The following HDAC9 variants were observed in gnomAD, a reference collection of about 807,000 sequenced individuals.
The protein encoded by HDAC9 is histone deacetylase 9, also known as MEF-2 interacting transcription repressor (MITR) protein.
A neutral mutation model predicts 139.4 loss-of-function variants in HDAC9; 41 were observed. The ratio of observed to expected loss-of-function variants is 0.29; its 90% CI spans 0.23 to 0.38. HDAC9 has a LOEUF of 0.38. HDAC9 is among the 10% of genes least tolerant of loss of function. The probability of loss-of-function intolerance (pLI) is 1.00; values close to 1 mark genes in which losing one functional copy is unlikely to be tolerated. For missense variants in HDAC9, 1,147 were observed against 1,297.0 expected, an observed-to-expected ratio of 0.88 and a Z score of 1.78; for synonymous variants, 517 against 476.2, an observed-to-expected ratio of 1.09 and a Z score of -1.12.
chr7:18,908,379 T>C (rs781046500), intron 22 of HDAC9, among the ~76,000 whole-genome samples: 8 of 152,180 alleles, frequency 5.3e-5, no homozygotes, highest in Non-Finnish European at 7.4e-5. Flanking sequence ...GCGCTTATCA[T>C]TTCTTTGTGA....
chr7:18,839,642 T>C (rs1352063803), intron 21 of HDAC9, among the ~76,000 whole-genome samples: 1 of 152,112 alleles, frequency 6.6e-6, no homozygotes, highest in Non-Finnish European at 1.5e-5. Context: ...GGGAACTACC[T>C]TGGCTTCTTA....
rs573868916 is a variant in HDAC9 at position 18,669,327 on chromosome 7, C to T, written c.1731+2851C>T. Among the ~76,000 whole-genome samples the T allele has an allele frequency of 2.0e-5, 3 of 151,696 alleles. No homozygotes were observed. The East Asian group carries it at 5.8e-4, about 30-fold the overall frequency. On this transcript the variant is annotated intron_variant, in intron 12 of 25. Transcript: ENST00000686413. ...TCTATTACAGTGAGATCTTGAAATA[C>T]AAGTAGAAAGTGACAGCACATAAAT... is the stretch of plus-strand genomic sequence containing the variant.
At chr7:18,674,629 T>C (rs1401629903) in intron 12 of HDAC9, among the ~76,000 whole-genome samples, 1 of 152,050 alleles carries the variant, frequency 6.6e-6, no homozygotes, top group East Asian at 1.9e-4. Flanking sequence ...CTGAACTTTA[T>C]TTTAATGGTT....
chr7:18,691,708 C>A (rs1782686253), intron 12 of HDAC9, among the ~76,000 whole-genome samples: 1 of 152,034 alleles, frequency 6.6e-6, no homozygotes, highest in Non-Finnish European at 1.5e-5. Context: ...AAATGGCAGT[C>A]CTTTAGAATG....
chr7:19,000,397 C>T lies in HDAC9; in HGVS notation c.*4335C>T, dbSNP rs1786693412. The T allele has an allele frequency of 6.6e-6, 1 of 152,186 alleles. No homozygotes were observed. Among genetic ancestry groups the T allele is most frequent in the African/African-American group, 2.4e-5 (1 of 41,448 alleles). 9.4% of individuals were successfully genotyped at this position (152,186 alleles called of 1,614,324 possible). A position where few individuals can be genotyped will look rare whatever the true frequency, so the allele number is the denominator to read the frequency against. On this transcript the variant is annotated 3_prime_UTR_variant, in exon 26 of 26. Transcript: ENST00000686413. Reference sequence around the variant, plus strand: ...TTGCTTGCTTTTACTCCATGAAACGCTTCATGAAGCAGAGCATGATTGTCA... The same window carrying T: ...TTGCTTGCTTTTACTCCATGAAACGTTTCATGAAGCAGAGCATGATTGTCA...
At position 18,271,871 on chromosome 7, in the gene HDAC9, G is replaced by C. The variant is rs1177241067; in HGVS notation, c.25+109522G>C. The stretch of plus-strand genomic sequence containing the variant: ...CACAGTATCTCAGGCATCTAACAAA[G>C]TGCCCAGAACATTGATAGCATTTAG... On this transcript the variant is annotated intron_variant, in intron 2 of 12. Coordinates refer to the HDAC9 transcript ENST00000417496. 2.0e-5 allele frequency among the ~76,000 whole-genome samples: 3 copies of C among 152,168 alleles called. No homozygotes were observed. The East Asian group carries it at 5.8e-4, about 29-fold the overall frequency.
intron 2 of HDAC9, among the ~76,000 whole-genome samples, chr7:18,576,253 G>C (rs746793237): frequency 6.6e-6 from 1 of 152,170 alleles, no homozygotes; most frequent in East Asian, 1.9e-4. Context: ...GGAGAAACAG[G>C]CCAGCCATGT....
chr7:18,605,771 C>G lies in HDAC9; in HGVS notation c.664+11742C>G, dbSNP rs550905863. Among the ~76,000 whole-genome samples the G allele has an allele frequency of 5.9e-5, 9 of 152,176 alleles. No individual in the cohort carries two copies. In the South Asian group the frequency reaches 1.7e-3, roughly 28 times the overall value. On this transcript the variant is annotated intron_variant, in intron 6 of 25. Coordinates refer to ENST00000686413, the MANE Select transcript of HDAC9 (RefSeq NM_178425.4). Reference sequence around the variant, plus strand: ...TCTCGGCTCACTGCAAGCTCCGCCTCCCAGGTTCACGCTATTCTCCTGCCT... The same window carrying G: ...TCTCGGCTCACTGCAAGCTCCGCCTGCCAGGTTCACGCTATTCTCCTGCCT...
rs367580383 is a variant in HDAC9 at position 18,328,456 on chromosome 7, GA to G, written c.-42+37943del. Among the ~76,000 whole-genome samples the G allele has an allele frequency of 2.4e-4, 36 of 152,014 alleles. No individual in the cohort carries two copies. The East Asian group carries it at 5.8e-3, about 25-fold the overall frequency. ...ATGCAAATTTATTGGTTTACAATAA[GA>G]ATTCTTTGCACTAAGTAATTTAGAA... On this transcript the variant is annotated intron_variant, in intron 1 of 3. Coordinates refer to the HDAC9 transcript ENST00000413509.
Position 18,249,259 on chromosome 7 carries a change from T to A in HDAC9, c.25+86910T>A, listed in dbSNP as rs1794757534. Among the ~76,000 whole-genome samples, 4 of 152,088 alleles carry A rather than the reference T, an allele frequency of 2.6e-5. No individual in the cohort carries two copies. In the South Asian group the frequency reaches 8.3e-4, roughly 32 times the overall value. ...GGCTCACGCCTGTAATCCCAACACT[T>A]TGGGAGGCTGAGGTGGGCAGATTGC... On this transcript the variant is annotated intron_variant, in intron 2 of 12. Coordinates refer to the HDAC9 transcript ENST00000417496.
chr7:18,136,179 G>A lies in HDAC9; in HGVS notation c.-96-26050G>A, dbSNP rs1489295829. Among the ~76,000 whole-genome samples the A allele has an allele frequency of 4.0e-5, 6 of 148,674 alleles. No homozygotes were observed. The East Asian group carries it at 1.2e-3, about 29-fold the overall frequency. The stretch of plus-strand genomic sequence containing the variant: ...GTTTTTTTCTTGTAAATTTGTTTGA[G>A]TTCATTGTAGATTCTGGATATTAGC... On this transcript the variant is annotated intron_variant, in intron 1 of 12. Transcript: ENST00000417496.
chr7:18,172,900 T>C (rs528290007), intron 2 of HDAC9, among the ~76,000 whole-genome samples: 41 of 152,328 alleles, frequency 2.7e-4, no homozygotes, highest in African/African-American at 8.4e-4. Flanking sequence ...GTAAGTGCGA[T>C]GTGGTGTTGA....
At chr7:18,698,087 G>T (rs899802918) in intron 12 of HDAC9, among the ~76,000 whole-genome samples, 1 of 152,216 alleles carries the variant, frequency 6.6e-6, no homozygotes. Flanking sequence ...CATAAACACT[G>T]ATTATAACTC....
rs35414332 is a variant in HDAC9, at chr7:18,744,012, G to GTTTTTTTTTTTT, written c.1910-4983_1910-4972dup. Among the ~76,000 whole-genome samples, 161 of 110,432 alleles carry GTTTTTTTTTTTT rather than the reference G, an allele frequency of 1.5e-3. 6 individuals are homozygous for GTTTTTTTTTTTT. The highest frequency in any genetic ancestry group is 0.013 in the East Asian group (36 of 2,768). The allele number at this position is 110,432 out of a possible 152,430, so 72.4% of individuals were successfully genotyped here. On this transcript the variant is annotated intron_variant, in intron 13 of 25. Transcript: ENST00000686413. ...TTTTTACATCTCACTTTTACTACTAGTTTTTTTTTTTTTTTTTTTTTGAGA... is the reference window on the plus strand; with the variant it reads ...TTTTTACATCTCACTTTTACTACTAGTTTTTTTTTTTTTTTTTTTTTTTTTTTTTTTTTGAGA...
intron 1 of HDAC9, among the ~76,000 whole-genome samples, chr7:18,387,667 C>CT (rs1439405279): frequency 1.3e-5 from 2 of 152,160 alleles, no homozygotes; most frequent in Admixed American, 6.5e-5. Context: ...TTAGAAATAA[C>CT]TAAGGCAGTA....
intron 16 of HDAC9, among the ~76,000 whole-genome samples, chr7:18,778,786 A>T (rs1489539274): frequency 6.6e-6 from 1 of 152,036 alleles, no homozygotes; most frequent in East Asian, 1.9e-4. Context: ...CAGAGCAAAC[A>T]TATTCCTCTC....
chr7:18,285,315 T>G (rs679492), intron 2 of HDAC9, among the ~76,000 whole-genome samples: 96,967 of 151,936 alleles, frequency 0.64, 33,424 homozygotes, highest in South Asian at 0.82. Flanking sequence ...TTGTAGAAAT[T>G]TTTATAATAA....
intron 1 of HDAC9, among the ~76,000 whole-genome samples, chr7:18,363,149 A>G (rs1306481900): frequency 2.6e-5 from 4 of 152,168 alleles, no homozygotes; most frequent in Admixed American, 2.6e-4. Context: ...TTTTTTAAGG[A>G]AGGCTAGGAT....
chr7:18,148,876 A>AT, intron 1 of HDAC9, among the ~76,000 whole-genome samples: 1 of 152,274 alleles, frequency 6.6e-6, no homozygotes, highest in African/African-American at 2.4e-5. Flanking sequence ...TGCAACCTTA[A>AT]TTCCCCTTGG....
Sources: gnomAD v4.1 joint callset for allele counts (sites outside exome capture counted in the v4.1 genomes callset) on GRCh38, gnomAD v4.1.1 for gene constraint, MANE v1.5 for transcripts, NCBI Gene and HGNC (gene_info 2026-07-23, HGNC 2026-07-21) for gene names.